The following FBN1 variants were observed in gnomAD, a reference collection of about 807,000 sequenced individuals.
The protein encoded by FBN1 is fibrillin-1.
A neutral mutation model predicts 365.1 loss-of-function variants in FBN1; 29 were observed. The ratio of observed to expected loss-of-function variants is 0.08; its 90% CI spans 0.06 to 0.11. The LOEUF is 0.11. Ranked by LOEUF, FBN1 falls within the 10% of genes least tolerant of loss-of-function variation. FBN1 has a pLI of 1.00. For synonymous variants in FBN1, 1,210 were observed against 1,270.5 expected, an observed-to-expected ratio of 0.95 and a Z score of 1.01; for missense variants, 2,476 against 3,703.2, an observed-to-expected ratio of 0.67 and a Z score of 8.60.
intron 2 of FBN1, among the ~76,000 whole-genome samples, chr15:48,636,556 T>A (rs1222926986): frequency 6.6e-6 from 1 of 152,124 alleles, no homozygotes; most frequent in African/African-American, 2.4e-5. Flanking sequence ...ATTCAATGGC[T>A]CCATCCCGGG....
rs1392530685 is a variant in FBN1, at chr15:48,421,655, C to T, written c.7602G>A (p.Leu2534=). Residue 2534 remains leucine, a synonymous_variant, in exon 62 of 66, where the codon CTG becomes CTA. Transcript: ENST00000316623. The part of the protein sequence containing the change: ...DNNECTSDIN[L]CGSKGICQNT... Reference sequence around the variant, plus strand: ...TCTGGCAAATGCCCTTAGACCCGCACAGATTGATGTCAGAGGTGCATTCAT... The same window carrying T: ...TCTGGCAAATGCCCTTAGACCCGCATAGATTGATGTCAGAGGTGCATTCAT... 1.4e-5 allele frequency: 22 copies of T among 1,613,760 alleles called. No individual in the cohort carries two copies. The highest frequency in any genetic ancestry group is 1.7e-5 in the Non-Finnish European group (20 of 1,179,954).
chr15:48,508,493 G>A, intron 15 of FBN1, 89 bp downstream of exon 15: 1 of 1,561,488 alleles, frequency 6.4e-7, no homozygotes, highest in Non-Finnish European at 8.8e-7. Flanking sequence ...TAAGTGGGGA[G>A]AATCAGTAAA....
At chr15:48,635,355 A>C (rs772649341) in intron 2 of FBN1, among the ~76,000 whole-genome samples, 5 of 152,350 alleles carry the variant, frequency 3.3e-5, no homozygotes, top group African/African-American at 7.2e-5. Context: ...TAAATCTAGG[A>C]TTTGATATAG....
At position 48,438,740 on chromosome 15, in the gene FBN1, G is replaced by A. The variant is rs111997492; in HGVS notation, c.6164-823C>T. On this transcript the variant is annotated intron_variant, in intron 50 of 65. Coordinates refer to ENST00000316623, the MANE Select transcript of FBN1 (RefSeq NM_000138.5). ...TTGATGACTCCAACAAAGAAGATGGGATCTACTTCCTATAAAATTCTCCAA... is the reference window on the plus strand; with the variant it reads ...TTGATGACTCCAACAAAGAAGATGGAATCTACTTCCTATAAAATTCTCCAA... 5.5e-3 allele frequency among the ~76,000 whole-genome samples: 835 copies of A among 152,240 alleles called. 10 individuals carry two copies. The highest frequency in any genetic ancestry group is 0.019 in the African/African-American group (789 of 41,546).
intron 34 of FBN1, 70 bp downstream of exon 34, chr15:48,474,184 TA>T: frequency 6.2e-7 from 1 of 1,606,800 alleles, no homozygotes; most frequent in Non-Finnish European, 8.5e-7. Flanking sequence ...AAAGAATTGC[TA>T]GCCTGAGAAA....
At chr15:48,537,966 C>T (rs1018585455) in intron 6 of FBN1, among the ~76,000 whole-genome samples, 158 bp from the exon 7 acceptor site, 1 of 152,112 alleles carries the variant, frequency 6.6e-6, no homozygotes, top group Admixed American at 6.5e-5. Context: ...TTGGATAGAC[C>T]ATTCTACTTC....
chr15:48,543,521 T>C (rs2044074353), intron 6 of FBN1, among the ~76,000 whole-genome samples: 1 of 152,198 alleles, frequency 6.6e-6, no homozygotes, highest in African/African-American at 2.4e-5. Flanking sequence ...CAAGGCTTAA[T>C]CTAATCAAAC....
intron 6 of FBN1, among the ~76,000 whole-genome samples, chr15:48,594,254 T>C (rs1218317769): frequency 1.3e-5 from 2 of 152,182 alleles, no homozygotes; most frequent in Non-Finnish European, 2.9e-5. Flanking sequence ...TCTTCTCCCA[T>C]TGAAGGTCTG....
chr15:48,641,637 T>C lies in FBN1; in HGVS notation c.164+2969A>G, dbSNP rs201701257. On this transcript the variant is annotated intron_variant, in intron 2 of 65. Transcript: ENST00000316623. Reference sequence around the variant, plus strand: ...ATCAGGCAGACTCGGGGGTTACAAATCACTTTCACTTCATAAACTGTGCAT... The same window carrying C: ...ATCAGGCAGACTCGGGGGTTACAAACCACTTTCACTTCATAAACTGTGCAT... 33 of 152,312 alleles carry C rather than the reference T, an allele frequency of 2.2e-4. No homozygotes were observed. The East Asian group carries it at 6.2e-3, about 29-fold the overall frequency. 9.4% of individuals were successfully genotyped at this position (152,312 alleles called of 1,614,324 possible). A position where few individuals can be genotyped will look rare whatever the true frequency, so the allele number is the denominator to read the frequency against.
At chr15:48,513,301 G>A (rs895587891) in intron 13 of FBN1, among the ~76,000 whole-genome samples, 2 of 152,144 alleles carry the variant, frequency 1.3e-5, no homozygotes, top group Admixed American at 6.6e-5. Flanking sequence ...TAATAGTGAC[G>A]AGACAACAAT....
intron 7 of FBN1, among the ~76,000 whole-genome samples, chr15:48,534,861 T>A (rs936828691): frequency 1.3e-5 from 2 of 152,222 alleles, no homozygotes; most frequent in African/African-American, 4.8e-5. Context: ...AGACTTACCT[T>A]GCTGGCACAG....
At chr15:48,575,817 A>ACT (rs1265868784) in intron 6 of FBN1, among the ~76,000 whole-genome samples, 1 of 149,558 alleles carries the variant, frequency 6.7e-6, no homozygotes, top group Non-Finnish European at 1.5e-5. Context: ...ACACACACAC[A>ACT]CACACACACA....
rs377275400 is a variant in FBN1 at position 48,520,696 on chromosome 15, G to A, written c.1110C>T (p.Val370=). 1.9e-6 allele frequency: 3 copies of A among 1,614,004 alleles called. No homozygotes were observed. In the African/African-American group the frequency reaches 4.0e-5, roughly 22 times the overall value. The change falls in exon 10 of 66, where the codon GTC becomes GTT. Residue 370 remains valine (V), a synonymous_variant. Coordinates refer to ENST00000316623, the MANE Select transcript of FBN1 (RefSeq NM_000138.5). ...CDAGRCWSPG[V]TVAPEMCPIR... Reference sequence around the variant, plus strand: ...TGGGACACATCTCAGGGGCGACAGTGACCCCTGGAGACCAGCATCGGCCGG... The same window carrying A: ...TGGGACACATCTCAGGGGCGACAGTAACCCCTGGAGACCAGCATCGGCCGG...
intron 6 of FBN1, among the ~76,000 whole-genome samples, chr15:48,593,598 G>A (rs1017996066): frequency 3.9e-5 from 6 of 152,124 alleles, no homozygotes; most frequent in African/African-American, 1.2e-4. Context: ...ATTATTTCCA[G>A]GAGATACTTG....
chr15:48,487,793 T>G (rs1445894187), intron 27 of FBN1, among the ~76,000 whole-genome samples: 1 of 152,232 alleles, frequency 6.6e-6, no homozygotes, highest in Non-Finnish European at 1.5e-5. Context: ...AATCACCTTT[T>G]CTAGAAGTGT....
intron 35 of FBN1, among the ~76,000 whole-genome samples, chr15:48,472,073 A>G (rs1002209865): frequency 3.9e-5 from 6 of 152,254 alleles, no homozygotes; most frequent in African/African-American, 1.2e-4. Context: ...CATTCTACGT[A>G]TGGACAAGAC....
At chr15:48,419,724 C>G (rs757819426) in intron 63 of FBN1, among the ~76,000 whole-genome samples, 1 of 152,116 alleles carries the variant, frequency 6.6e-6, no homozygotes, top group Non-Finnish European at 1.5e-5. Context: ...AAAGTGAACC[C>G]CTGCAATGCA....
chr15:48,499,007 T>C lies in FBN1; in HGVS notation c.2145A>G (p.Pro715=), dbSNP rs1256938725. 1.2e-6 allele frequency: 2 copies of C among 1,614,234 alleles called. No individual in the cohort carries two copies. The highest frequency in any genetic ancestry group is 1.3e-5 in the African/African-American group (1 of 75,082). Residue 715 remains proline, a synonymous_variant, in exon 18 of 66, where the codon CCA becomes CCG. Transcript: ENST00000316623. ...AEYQALCSSG[P]GMTSAGSDIN... ...TACCACTGCCTGCTGACGTCATTCC[T>C]GGCCCACTGCTGCAGAGTGCCTGAT...
At chr15:48,556,316 A>C (rs2044179725) in intron 6 of FBN1, among the ~76,000 whole-genome samples, 2 of 152,202 alleles carry the variant, frequency 1.3e-5, no homozygotes, top group Admixed American at 1.3e-4. Flanking sequence ...GTTGGAAAGA[A>C]GGATTTAAGA....
Sources: gnomAD v4.1 joint callset for allele counts (sites outside exome capture counted in the v4.1 genomes callset) on GRCh38, gnomAD v4.1.1 for gene constraint, MANE v1.5 for transcripts, NCBI Gene and HGNC (gene_info 2026-07-23, HGNC 2026-07-21) for gene names.